AFF1: variants seen among roughly 807,000 people sequenced by gnomAD.
The protein encoded by AFF1 is ALF transcription elongation factor 1.
In AFF1, 48 loss-of-function variants were observed where a neutral mutation model predicts 121.7. The ratio of observed to expected loss-of-function variants is 0.39; its 90% CI spans 0.31 to 0.50. The LOEUF (loss-of-function observed/expected upper bound fraction) is 0.50, where lower values mean the gene tolerates loss of function less well. Among genes scored for constraint, AFF1 ranks in the 20% least tolerant of loss-of-function variants. The probability of loss-of-function intolerance (pLI) is 0.76; values close to 1 mark genes in which losing one functional copy is unlikely to be tolerated. For missense variants in AFF1, 1,523 were observed against 1,511.7 expected (o/e 1.01, Z -0.12); for synonymous variants, 613 against 563.0 (o/e 1.09, Z -1.26).
At chr4:87,124,992 C>G (rs1372328565) in intron 12 of AFF1, 45 bp from the exon 13 acceptor site, 3 of 1,469,360 alleles carry the variant, frequency 2.0e-6, no homozygotes, top group Non-Finnish European at 1.8e-6. Flanking sequence ...TTTGTCTGTA[C>G]AATTATGTTG....
chr4:86,980,849 A>T (rs575063570), intron 2 of AFF1, among the ~76,000 whole-genome samples: 1 of 152,292 alleles, frequency 6.6e-6, no homozygotes, highest in South Asian at 2.1e-4. Flanking sequence ...ATAACATTTT[A>T]AAAAGTTGAG....
At chr4:86,951,618 TTTTTC>T (rs1359435992) in intron 2 of AFF1, among the ~76,000 whole-genome samples, 620 of 33,700 alleles carry the variant, frequency 0.018, 9 homozygotes, top group Non-Finnish European at 0.03. Flanking sequence ...CTTTTTTCTT[TTTTTC>T]TTTTTTTTTT....
chr4:87,135,293 CT>C (rs775713790), intron 20 of AFF1, among the ~76,000 whole-genome samples: 137 of 150,208 alleles, frequency 9.1e-4, no homozygotes, highest in Admixed American at 3.5e-3. Context: ...ATGCTTTTAA[CT>C]TTTTTTTTTC....
At chr4:87,043,241 C>A (rs1730336263) in intron 2 of AFF1, among the ~76,000 whole-genome samples, 1 of 152,092 alleles carries the variant, frequency 6.6e-6, no homozygotes, top group Admixed American at 6.5e-5. Context: ...GGGAGAACTC[C>A]CTTGGTGGTG....
At chr4:87,047,665 G>A in intron 4 of AFF1, 71 bp downstream of exon 4, 1 of 1,589,124 alleles carries the variant, frequency 6.3e-7, no homozygotes, top group Non-Finnish European at 8.6e-7. Context: ...TCCGGAGGAT[G>A]TGGGGCAAGG....
chr4:87,036,141 C>T (rs1331865767), intron 2 of AFF1, among the ~76,000 whole-genome samples: 1 of 152,124 alleles, frequency 6.6e-6, no homozygotes, highest in Non-Finnish European at 1.5e-5. Flanking sequence ...GCCTTTACAA[C>T]TAAAGGGGAG....
chr4:87,103,381 C>T (rs182255403), intron 8 of AFF1, among the ~76,000 whole-genome samples: 197 of 152,270 alleles, frequency 1.3e-3, no homozygotes, highest in African/African-American at 4.6e-3. Context: ...ATTATACTCA[C>T]AAATTTTTAT....
intron 4 of AFF1, among the ~76,000 whole-genome samples, chr4:87,075,340 A>T (rs957643392): frequency 6.6e-6 from 1 of 152,176 alleles, no homozygotes; most frequent in Non-Finnish European, 1.5e-5. Flanking sequence ...ATATATAAAT[A>T]TGTGTGCATA....
chr4:87,049,312 A>G (rs940561432), intron 4 of AFF1, among the ~76,000 whole-genome samples: 16 of 152,042 alleles, frequency 1.1e-4, no homozygotes. Context: ...ACAATTAGAG[A>G]ACAATTGAGT....
chr4:87,060,768 G>C (rs1422952774), intron 4 of AFF1, among the ~76,000 whole-genome samples: 1 of 147,756 alleles, frequency 6.8e-6, no homozygotes, highest in Non-Finnish European at 1.5e-5. Flanking sequence ...GAACCTGGGA[G>C]GCGGAGGTTG....
intron 2 of AFF1, 83 bp from the exon 3 acceptor site, chr4:87,046,083 C>T (rs2272777): frequency 0.03 from 46,314 of 1,533,650 alleles, 2,015 homozygotes; most frequent in African/African-American, 0.17. Flanking sequence ...TCCTCACCTC[C>T]CTTCTCACAT....
chr4:87,107,247 T>C (rs935187366), intron 10 of AFF1, among the ~76,000 whole-genome samples: 3 of 152,252 alleles, frequency 2.0e-5, no homozygotes, highest in Non-Finnish European at 2.9e-5. Flanking sequence ...TTTGAAAATA[T>C]TTTAGGTAGA....
intron 4 of AFF1, among the ~76,000 whole-genome samples, chr4:87,063,226 C>CCCTTTTTTTTTT (rs1720960529): frequency 2.0e-5 from 1 of 49,884 alleles, no homozygotes; most frequent in Non-Finnish European, 4.7e-5. Flanking sequence ...GTAGATTCAC[C>CCCTTTTTTTTTT]TCTTTTTTTT....
intron 2 of AFF1, among the ~76,000 whole-genome samples, chr4:86,987,836 C>G (rs945486700): frequency 4.6e-5 from 7 of 151,726 alleles, no homozygotes; most frequent in Admixed American, 1.3e-4. Context: ...GCTCGTAGTC[C>G]CAGGTACTCG....
At chr4:87,082,728 C>T (rs1011398552) in intron 4 of AFF1, among the ~76,000 whole-genome samples, 1 of 152,076 alleles carries the variant, frequency 6.6e-6, no homozygotes, top group African/African-American at 2.4e-5. Flanking sequence ...CACACCTGGC[C>T]TACATCTGAA....
chr4:87,133,745 C>T (rs1310676973), intron 19 of AFF1, among the ~76,000 whole-genome samples: 1 of 152,200 alleles, frequency 6.6e-6, no homozygotes, highest in Admixed American at 6.5e-5. Flanking sequence ...GAGGCTACTG[C>T]CGCTGAACCA....
rs890906680 is a variant in AFF1, at chr4:87,116,812, T to C, written c.2466+1513T>C. Among the ~76,000 whole-genome samples, 10 of 151,898 alleles carry C rather than the reference T, an allele frequency of 6.6e-5. No individual in the cohort carries two copies. In the South Asian group the frequency reaches 2.1e-3, roughly 32 times the overall value. ...TCATGCCAGAAACTTCTTTAAACTT[T>C]TTGTATGGGATGGGGTGGGGTGTGT... On this transcript the variant is annotated intron_variant, in intron 12 of 20. Transcript: ENST00000395146.
rs1728311855 is a variant in AFF1, at chr4:87,127,010, G to GT, written c.2812-16_2812-15insT. ...AATGTTAGAGTGTAATCTGTATATT[G>GT]ATTTTTTTTTTGAAGGGTTCTTCCG... On this transcript the variant is annotated splice_polypyrimidine_tract_variant and intron_variant, in intron 14 of 20. Coordinates refer to ENST00000395146, the MANE Select transcript of AFF1 (RefSeq NM_001166693.3). 2.0e-6 allele frequency: 3 copies of GT among 1,512,100 alleles called. No individual in the cohort carries two copies. Among genetic ancestry groups the GT allele is most frequent in the East Asian group, 4.6e-5 (2 of 43,880 alleles). The allele number at this position is 1,512,100 out of a possible 1,614,324, so 93.7% of individuals were successfully genotyped here.
chr4:86,948,496 A>G lies in AFF1; in HGVS notation c.-36-2A>G. ...ACAGGCTACTCTTTGTTTCTCTTTC[A>G]GATGAACAGACTAGCCACTTTGCAT... On this transcript the variant is annotated splice_acceptor_variant, in intron 1 of 20. Transcript: ENST00000395146. LOFTEE classifies it low-confidence loss of function (5UTR_SPLICE). The G allele has an allele frequency of 6.5e-7, 1 of 1,533,304 alleles. No homozygotes were observed. Among genetic ancestry groups the G allele is most frequent in the South Asian group, 1.2e-5 (1 of 83,784 alleles). The allele number at this position is 1,533,304 out of a possible 1,614,324, so 95.0% of individuals were successfully genotyped here.
Sources: allele counts gnomAD v4.1 joint callset (sites outside exome capture counted in the v4.1 genomes callset), GRCh38; gene constraint gnomAD v4.1.1; transcripts MANE v1.5; gene names NCBI Gene and HGNC (gene_info 2026-07-23, HGNC 2026-07-21).